ANGPT1: variants seen among roughly 807,000 people sequenced by gnomAD.
The protein encoded by ANGPT1 is angiopoietin 1, also known as angiopoietin-1.
ANGPT1 carries 17 observed loss-of-function variants against 62.2 expected under a neutral mutation model. The observed-to-expected ratio is 0.27, with a 90% CI of 0.19 to 0.41. ANGPT1 has a LOEUF of 0.41. ANGPT1 is among the 10% of genes least tolerant of loss of function. The pLI, the probability that ANGPT1 is intolerant of heterozygous loss-of-function variation, is 1.00. For synonymous variants in ANGPT1, 199 were observed against 198.9 expected, an observed-to-expected ratio of 1.00 and a Z score of 0.00; for missense variants, 478 against 594.9, an observed-to-expected ratio of 0.80 and a Z score of 2.04.
At chr8:107,448,801 C>T (rs926055564) in intron 1 of ANGPT1, among the ~76,000 whole-genome samples, 8 of 152,136 alleles carry the variant, frequency 5.3e-5, no homozygotes, top group Non-Finnish European at 7.4e-5. Context: ...AGAATCCCAC[C>T]TACCTAAGTT....
At chr8:107,284,625 C>T (rs902481492) in intron 7 of ANGPT1, 57 bp downstream of exon 7, 1 of 1,300,574 alleles carries the variant, frequency 7.7e-7, no homozygotes, top group Non-Finnish European at 1.0e-6. Flanking sequence ...TTTCCCACTA[C>T]AATTATTAAG....
chr8:107,294,162 T>A (rs1407602848), intron 5 of ANGPT1, 125 bp from the exon 6 acceptor site: 1 of 590,240 alleles, frequency 1.7e-6, no homozygotes, highest in Non-Finnish European at 2.9e-6. Flanking sequence ...ATTACTATAT[T>A]GAACAATGTT....
At chr8:107,366,644 T>C (rs1214962894) in intron 1 of ANGPT1, among the ~76,000 whole-genome samples, 1 of 152,178 alleles carries the variant, frequency 6.6e-6, no homozygotes, top group Non-Finnish European at 1.5e-5. Context: ...ACACTTCAAT[T>C]GGATGAACTC....
chr8:107,475,189 A>G (rs914567446), intron 1 of ANGPT1, among the ~76,000 whole-genome samples: 13 of 152,216 alleles, frequency 8.5e-5, no homozygotes, highest in Non-Finnish European at 1.6e-4. Context: ...AAACTATACT[A>G]CAAGGCTACA....
At chr8:107,268,038 T>A (rs1015862907) in intron 7 of ANGPT1, among the ~76,000 whole-genome samples, 1 of 152,102 alleles carries the variant, frequency 6.6e-6, no homozygotes, top group Non-Finnish European at 1.5e-5. Context: ...ACTTGCTGTA[T>A]TTTAATTGTC....
chr8:107,289,878 G>A (rs558470875), intron 6 of ANGPT1, among the ~76,000 whole-genome samples: 2 of 152,184 alleles, frequency 1.3e-5, no homozygotes, highest in East Asian at 3.9e-4. Flanking sequence ...GCCTCATTGC[G>A]TTTTATATGT....
Position 107,293,665 on chromosome 8 carries a change from C to T in ANGPT1, c.1038+271G>A, listed in dbSNP as rs143614954. ...CGAAGGTCTGAGTTCTAGCTTCCCC[C>T]ACCCTCATGCAACTAGGAACAAATA... On this transcript the variant is annotated intron_variant, in intron 6 of 8. Coordinates refer to ENST00000517746, the MANE Select transcript of ANGPT1 (RefSeq NM_001146.5). Among the ~76,000 whole-genome samples, 3 of 152,246 alleles carry T rather than the reference C, an allele frequency of 2.0e-5. No individual in the cohort carries two copies. In the East Asian group the frequency reaches 5.8e-4, roughly 29 times the overall value.
At chr8:107,494,925 T>C (rs1276076045) in intron 1 of ANGPT1, 1 of 152,222 alleles carries the variant, frequency 6.6e-6, no homozygotes, top group Non-Finnish European at 1.5e-5. Flanking sequence ...CTACATACAC[T>C]GATAGCCTCA....
At chr8:107,365,185 G>T (rs915657430) in intron 1 of ANGPT1, among the ~76,000 whole-genome samples, 4 of 152,184 alleles carry the variant, frequency 2.6e-5, no homozygotes, top group African/African-American at 9.6e-5. Flanking sequence ...AGCATTTCAA[G>T]TTACTGATGA....
At chr8:107,319,319 G>A (rs942699286) in intron 4 of ANGPT1, among the ~76,000 whole-genome samples, 1 of 152,056 alleles carries the variant, frequency 6.6e-6, no homozygotes, top group African/African-American at 2.4e-5. Context: ...TTATATTCAG[G>A]CTGTCTCCAC....
intron 1 of ANGPT1, among the ~76,000 whole-genome samples, chr8:107,466,372 T>C (rs1453806274): frequency 6.6e-6 from 1 of 151,874 alleles, no homozygotes; most frequent in African/African-American, 2.4e-5. Context: ...TCCACAGAGA[T>C]GGACAACCTG....
intron 1 of ANGPT1, among the ~76,000 whole-genome samples, chr8:107,392,414 C>T (rs1291947968): frequency 6.6e-6 from 1 of 152,078 alleles, no homozygotes; most frequent in East Asian, 1.9e-4. Context: ...ATTTTATTGT[C>T]ATTTTAATTT....
rs542055923 is a variant in ANGPT1 at position 107,420,585 on chromosome 8, A to C, written c.298-73488T>G. Among the ~76,000 whole-genome samples the C allele has an allele frequency of 2.2e-3, 342 of 152,196 alleles. 1 individual carries two copies. Among genetic ancestry groups the C allele is most frequent in the Non-Finnish European group, 3.9e-3 (267 of 67,950 alleles). On this transcript the variant is annotated intron_variant, in intron 1 of 8. Coordinates refer to ENST00000517746, the MANE Select transcript of ANGPT1 (RefSeq NM_001146.5). Reference sequence around the variant, plus strand: ...GTACATCTTCCCAATCAGACGGAGAAGAACAGCCTCAGGTCTCATATCCTC... The same window carrying C: ...GTACATCTTCCCAATCAGACGGAGACGAACAGCCTCAGGTCTCATATCCTC...
intron 3 of ANGPT1, among the ~76,000 whole-genome samples, chr8:107,331,668 G>A (rs1200856968): frequency 1.3e-5 from 2 of 152,094 alleles, no homozygotes; most frequent in Non-Finnish European, 1.5e-5. Flanking sequence ...TACTTTGCAG[G>A]ATTGGTTGGA....
intron 1 of ANGPT1, among the ~76,000 whole-genome samples, chr8:107,416,399 G>A (rs1009277284): frequency 3.3e-5 from 5 of 152,186 alleles, no homozygotes; most frequent in East Asian, 1.9e-4. Context: ...CAGATGCAGC[G>A]ATACATAGAA....
At chr8:107,275,349 T>G (rs9297393) in intron 7 of ANGPT1, among the ~76,000 whole-genome samples, 47,675 of 152,032 alleles carry the variant, frequency 0.31, 8,463 homozygotes, top group Middle Eastern at 0.43. Context: ...AGTTAACCAC[T>G]TGTAGTTTCC....
chr8:107,355,115 T>C (rs1014827479), intron 1 of ANGPT1, among the ~76,000 whole-genome samples: 1 of 152,080 alleles, frequency 6.6e-6, no homozygotes, highest in African/African-American at 2.4e-5. Context: ...TTGGCCAGGC[T>C]GGTCTCGAAG....
intron 4 of ANGPT1, among the ~76,000 whole-genome samples, chr8:107,308,318 A>C (rs1018434354): frequency 6.6e-6 from 1 of 152,204 alleles, no homozygotes; most frequent in African/African-American, 2.4e-5. Context: ...AAAGAATCCA[A>C]TGTAGTACTT....
chr8:107,487,165 C>T (rs970619712), intron 1 of ANGPT1, among the ~76,000 whole-genome samples: 2 of 152,124 alleles, frequency 1.3e-5, no homozygotes, highest in African/African-American at 4.8e-5. Context: ...ATTCACCTTC[C>T]CTGTCGTCCA....
Sources: allele counts gnomAD v4.1 joint callset (sites outside exome capture counted in the v4.1 genomes callset), GRCh38; gene constraint gnomAD v4.1.1; transcripts MANE v1.5; gene names NCBI Gene and HGNC (gene_info 2026-07-23, HGNC 2026-07-21).